The following ITPR2 variants were observed in gnomAD, a reference collection of about 807,000 sequenced individuals.
The protein encoded by ITPR2 is inositol 1,4,5-trisphosphate receptor type 2.
ITPR2 carries 207 observed loss-of-function variants against 317.1 expected under a neutral mutation model. The ratio of observed to expected loss-of-function variants is 0.65; its 90% CI spans 0.58 to 0.73. The LOEUF (loss-of-function observed/expected upper bound fraction) is 0.73. ITPR2 is among the 30% of genes least tolerant of loss of function. The pLI is 0.00. For synonymous variants in ITPR2, 1,156 were observed against 1,149.1 expected (o/e 1.01, Z -0.12); for missense variants, 2,613 against 3,284.0 (o/e 0.80, Z 4.99).
At position 26,599,992 on chromosome 12, in the gene ITPR2, G is replaced by C; in HGVS notation, c.3796C>G (p.Pro1266Ala). 1 of 1,601,476 alleles carries C rather than the reference G, an allele frequency of 6.2e-7. No individual in the cohort carries two copies. Among genetic ancestry groups the C allele is most frequent in the Non-Finnish European group, 8.6e-7 (1 of 1,169,472 alleles). Residue 1266 changes from proline (P) to alanine (A), a missense_variant, in exon 29 of 57, where the codon CCA becomes GCA. Coordinates refer to ENST00000381340, the MANE Select transcript of ITPR2 (RefSeq NM_002223.4). ...GAAGCCACTAAAATACTTACACCTG[G>C]AGTTAAAAACAAATTCAGATGTTTA... Reference protein sequence around the residue: ...LHKHLNLFLTPGLLEAETMRH... With the variant: ...LHKHLNLFLTAGLLEAETMRH...
intron 9 of ITPR2, among the ~76,000 whole-genome samples, chr12:26,697,801 TATA>T (rs1309957142): frequency 1.3e-5 from 2 of 150,810 alleles, no homozygotes; most frequent in Non-Finnish European, 3.0e-5. Flanking sequence ...TCAAAATAAT[TATA>T]ATAATAATAA....
intron 37 of ITPR2, among the ~76,000 whole-genome samples, chr12:26,499,363 AG>A (rs1943021406): frequency 6.6e-6 from 1 of 152,206 alleles, no homozygotes; most frequent in Admixed American, 6.5e-5. Context: ...TAGAAAAGGC[AG>A]GGGCTTCCTA....
At chr12:26,421,988 A>T (rs984640266) in intron 49 of ITPR2, among the ~76,000 whole-genome samples, 11 of 143,472 alleles carry the variant, frequency 7.7e-5, no homozygotes, top group Non-Finnish European at 1.1e-4. Flanking sequence ...TAGGTCTTCT[A>T]AAAAAAAAAG....
At chr12:26,620,402 C>T (rs1449583770) in intron 26 of ITPR2, among the ~76,000 whole-genome samples, 1 of 152,150 alleles carries the variant, frequency 6.6e-6, no homozygotes, top group African/African-American at 2.4e-5. Context: ...CAGGTAAACC[C>T]ATCAAAACGG....
At chr12:26,787,922 C>CTTTTTT (rs71069268) in intron 2 of ITPR2, among the ~76,000 whole-genome samples, 17 of 120,198 alleles carry the variant, frequency 1.4e-4, no homozygotes, top group Non-Finnish European at 2.9e-4. Context: ...GGTGACTATC[C>CTTTTTT]TTTTTTTTTT....
chr12:26,410,851 C>A (rs528832770), intron 52 of ITPR2, among the ~76,000 whole-genome samples: 1 of 152,270 alleles, frequency 6.6e-6, no homozygotes, highest in East Asian at 1.9e-4. Flanking sequence ...CTCATTCTCT[C>A]TCTAGAGAGA....
chr12:26,628,055 A>C lies in ITPR2; in HGVS notation c.3042T>G (p.Ser1014=). ...NDNAETSASG[S]PDTLLPSAIV... ...TACCTGATGGTAGTAAAGTGTCTGG[A>C]GATCCACTGGCAGATGTCTCCGCAT... The change falls in exon 23 of 57, where the codon TCT becomes TCG. Residue 1014 remains serine (S), a synonymous_variant. Transcript: ENST00000381340. The C allele has an allele frequency of 6.2e-7, 1 of 1,612,682 alleles. No homozygotes were observed. The highest frequency in any genetic ancestry group is 8.5e-7 in the Non-Finnish European group (1 of 1,179,518).
At chr12:26,807,339 G>T (rs1401713654) in intron 1 of ITPR2, among the ~76,000 whole-genome samples, 4 of 152,130 alleles carry the variant, frequency 2.6e-5, no homozygotes, top group African/African-American at 7.2e-5. Flanking sequence ...AAAACACATA[G>T]GAAAGGATTT....
chr12:26,619,174 C>T (rs1464575198), intron 26 of ITPR2, among the ~76,000 whole-genome samples: 1 of 152,178 alleles, frequency 6.6e-6, no homozygotes, highest in Non-Finnish European at 1.5e-5. Flanking sequence ...ACACATATAT[C>T]ACATAGGGAA....
chr12:26,640,788 C>T (rs1246002469), intron 21 of ITPR2, among the ~76,000 whole-genome samples: 1 of 152,014 alleles, frequency 6.6e-6, no homozygotes, highest in African/African-American at 2.4e-5. Flanking sequence ...TGCATAAATG[C>T]TTTATAAGGC....
intron 8 of ITPR2, among the ~76,000 whole-genome samples, chr12:26,712,590 G>C (rs142776659): frequency 6.6e-6 from 1 of 152,032 alleles, no homozygotes; most frequent in African/African-American, 2.4e-5. Flanking sequence ...GAGGGAGGCA[G>C]AGATATCTGC....
intron 13 of ITPR2, among the ~76,000 whole-genome samples, chr12:26,677,771 A>G (rs904453718): frequency 6.6e-6 from 1 of 152,222 alleles, no homozygotes; most frequent in African/African-American, 2.4e-5. Flanking sequence ...ATGGAAAAAG[A>G]GACATCAGGC....
intron 26 of ITPR2, among the ~76,000 whole-genome samples, chr12:26,607,142 G>A (rs141711967): frequency 1.3e-5 from 2 of 152,256 alleles, no homozygotes; most frequent in East Asian, 1.9e-4. Flanking sequence ...CAGCAAAGTT[G>A]CCAAGTTAGC....
At chr12:26,784,568 T>C (rs1019750573) in intron 2 of ITPR2, among the ~76,000 whole-genome samples, 1 of 151,556 alleles carries the variant, frequency 6.6e-6, no homozygotes, top group Admixed American at 6.6e-5. Context: ...GGTCTCCAGC[T>C]CCTAACCGCG....
At chr12:26,358,606 C>T (rs536782751) in intron 55 of ITPR2, among the ~76,000 whole-genome samples, 89 of 152,242 alleles carry the variant, frequency 5.8e-4, no homozygotes, top group Non-Finnish European at 1.1e-3. Flanking sequence ...ATGTTCTACC[C>T]ATTTCCTTGT....
At chr12:26,802,942 T>C (rs962672111) in intron 1 of ITPR2, among the ~76,000 whole-genome samples, 4 of 152,270 alleles carry the variant, frequency 2.6e-5, no homozygotes, top group Admixed American at 2.0e-4. Flanking sequence ...CCTGATCTAA[T>C]AGACATACAT....
At chr12:26,440,573 T>C (rs1424188503) in intron 46 of ITPR2, among the ~76,000 whole-genome samples, 1 of 152,162 alleles carries the variant, frequency 6.6e-6, no homozygotes, top group Non-Finnish European at 1.5e-5. Context: ...CTAAATGATA[T>C]GTGATATATT....
intron 11 of ITPR2, among the ~76,000 whole-genome samples, chr12:26,684,153 C>T (rs1242625057): frequency 1.3e-5 from 2 of 152,232 alleles, no homozygotes; most frequent in Non-Finnish European, 2.9e-5. Context: ...TATCACTTGG[C>T]ATCTTCTGCA....
rs546409062 is a variant in ITPR2, at chr12:26,641,433, T to G, written c.2741-9374A>C. ...AAATAATAATAGAAAGAATATCAAC[T>G]GTAAAGCTGTAGGTTTTTTTTTTAA... On this transcript the variant is annotated intron_variant, in intron 21 of 56. Coordinates refer to ENST00000381340, the MANE Select transcript of ITPR2 (RefSeq NM_002223.4). Among the ~76,000 whole-genome samples the G allele has an allele frequency of 3.5e-5, 4 of 113,158 alleles. No individual in the cohort carries two copies. The Admixed American group carries it at 4.2e-4, about 12-fold the overall frequency. 74.2% of individuals were successfully genotyped at this position (113,158 alleles called of 152,430 possible).
Sources: gnomAD v4.1 joint callset for allele counts (sites outside exome capture counted in the v4.1 genomes callset) on GRCh38, gnomAD v4.1.1 for gene constraint, MANE v1.5 for transcripts, NCBI Gene and HGNC (gene_info 2026-07-23, HGNC 2026-07-21) for gene names.